CNTN1: variants seen among roughly 807,000 people sequenced by gnomAD.
CNTN1 encodes the protein contactin 1, also known as contactin-1.
In CNTN1, 38 loss-of-function variants were observed where a neutral mutation model predicts 126.4. The ratio of observed to expected loss-of-function variants is 0.30; its 90% CI spans 0.23 to 0.39. The LOEUF (loss-of-function observed/expected upper bound fraction) is 0.39, where lower values mean the gene tolerates loss of function less well. Among genes scored for constraint, CNTN1 ranks in the 10% least tolerant of loss-of-function variants. The pLI is 1.00. For missense variants in CNTN1, 1,009 were observed against 1,248.4 expected, an observed-to-expected ratio of 0.81 and a Z score of 2.89; for synonymous variants, 413 against 422.6, an observed-to-expected ratio of 0.98 and a Z score of 0.28.
intron 1 of CNTN1, among the ~76,000 whole-genome samples, chr12:40,884,570 A>C (rs1943969055): frequency 6.6e-6 from 1 of 151,492 alleles, no homozygotes; most frequent in Non-Finnish European, 1.5e-5. Flanking sequence ...TTCTTGTAGC[A>C]GTATAGGAAA....
At position 40,937,504 on chromosome 12, in the gene CNTN1, C is replaced by G. The variant is rs1946120747; in HGVS notation, c.1111-66C>G. On this transcript the variant is annotated intron_variant, in intron 10 of 23. Coordinates refer to ENST00000551295, the MANE Select transcript of CNTN1 (RefSeq NM_001843.4). ...ATCTAAATGAAAAGACAACCAAACC[C>G]AGACCTAAGTGAAAGTATTTCTATT... 4 of 1,072,870 alleles carry G rather than the reference C, an allele frequency of 3.7e-6. No homozygotes were observed. The East Asian group carries it at 9.5e-5, about 25-fold the overall frequency. The allele number at this position is 1,072,870 out of a possible 1,614,324, so 66.5% of individuals were successfully genotyped here.
At chr12:40,746,899 T>A (rs557514253) in intron 1 of CNTN1, among the ~76,000 whole-genome samples, 130 of 152,138 alleles carry the variant, frequency 8.5e-4, no homozygotes, top group Admixed American at 2.8e-3. Flanking sequence ...CAGGTGTTTT[T>A]ATCTATTAGG....
At position 40,775,998 on chromosome 12, in the gene CNTN1, T is replaced by C. The variant is rs12229594; in HGVS notation, c.-77+83406T>C. On this transcript the variant is annotated intron_variant, in intron 1 of 23. Coordinates refer to ENST00000551295, the MANE Select transcript of CNTN1 (RefSeq NM_001843.4). ...AACAAAAGTTTTTTGAATTATACAG[T>C]GTAGCTTATTAATTATCCATTGTAA... Among the ~76,000 whole-genome samples the C allele has an allele frequency of 1.0e-3, 158 of 151,808 alleles. 4 individuals carry two copies. In the East Asian group the frequency reaches 0.029, roughly 28 times the overall value.
At chr12:40,736,902 A>G (rs1937711508) in intron 1 of CNTN1, among the ~76,000 whole-genome samples, 1 of 152,078 alleles carries the variant, frequency 6.6e-6, no homozygotes. Flanking sequence ...GGAAATGGGA[A>G]AATATCTCAA....
intron 1 of CNTN1, among the ~76,000 whole-genome samples, chr12:40,860,890 A>C (rs1409083698): frequency 6.6e-6 from 1 of 152,136 alleles, no homozygotes; most frequent in Non-Finnish European, 1.5e-5. Flanking sequence ...TCTGGCAACC[A>C]GCTCCCTCAT....
In CNTN1 at chr12:40,769,445, C is replaced by A. The variant is rs575608470; in HGVS notation, c.-77+76853C>A. 2.6e-5 allele frequency among the ~76,000 whole-genome samples: 4 copies of A among 152,068 alleles called. No individual in the cohort carries two copies. In the South Asian group the frequency reaches 6.2e-4, roughly 24 times the overall value. ...GCATCTTGTGTTTGCCCATGGCCAA[C>A]AATTAAAATTCAATTTATACAGGAG... On this transcript the variant is annotated intron_variant, in intron 1 of 23. Coordinates refer to ENST00000551295, the MANE Select transcript of CNTN1 (RefSeq NM_001843.4).
At chr12:40,953,326 T>G (rs887112599) in intron 14 of CNTN1, among the ~76,000 whole-genome samples, 3 of 152,152 alleles carry the variant, frequency 2.0e-5, no homozygotes, top group Non-Finnish European at 2.9e-5. Context: ...AAAAATACAG[T>G]GAGCATTTGT....
At chr12:40,844,177 T>A (rs971321333) in intron 1 of CNTN1, among the ~76,000 whole-genome samples, 18 of 150,158 alleles carry the variant, frequency 1.2e-4, no homozygotes, top group Non-Finnish European at 2.4e-4. Context: ...AAGCGATTCT[T>A]CTGCCTCAGG....
chr12:40,963,493 A>T (rs1947183435), intron 15 of CNTN1, among the ~76,000 whole-genome samples: 1 of 152,048 alleles, frequency 6.6e-6, no homozygotes, highest in Admixed American at 6.6e-5. Flanking sequence ...TTAAATCACT[A>T]TAGATTACTT....
intron 15 of CNTN1, among the ~76,000 whole-genome samples, chr12:40,978,119 G>A (rs1243335360): frequency 6.6e-6 from 1 of 151,934 alleles, no homozygotes; most frequent in Non-Finnish European, 1.5e-5. Flanking sequence ...AATCCTATAT[G>A]TTCGGTTTTT....
intron 7 of CNTN1, among the ~76,000 whole-genome samples, chr12:40,932,668 C>A (rs1945930817): frequency 6.6e-6 from 1 of 151,868 alleles, no homozygotes; most frequent in African/African-American, 2.4e-5. Context: ...CTAAACTGGT[C>A]CAATTTAAAT....
chr12:40,904,076 T>C (rs551477385), intron 1 of CNTN1, among the ~76,000 whole-genome samples: 1 of 152,336 alleles, frequency 6.6e-6, no homozygotes, highest in Admixed American at 6.5e-5. Flanking sequence ...TGGAGTGCAG[T>C]GGCGCGATCT....
chr12:41,039,265 G>C (rs1245891628), intron 23 of CNTN1, among the ~76,000 whole-genome samples: 1 of 152,150 alleles, frequency 6.6e-6, no homozygotes, highest in Non-Finnish European at 1.5e-5. Context: ...TGGAAACAGG[G>C]GGATCAGTTA....
rs11829140 is a variant in CNTN1 at position 41,024,557 on chromosome 12, T to G, written c.2524-593T>G. 4.0e-3 allele frequency among the ~76,000 whole-genome samples: 603 copies of G among 152,266 alleles called. 7 individuals are homozygous for G. The highest frequency in any genetic ancestry group is 0.014 in the African/African-American group (581 of 41,570). ...AAAAATTATTTTATGGGTAAATAAT[T>G]TCTACAGTTTATCCAGTTATTAGAT... On this transcript the variant is annotated intron_variant, in intron 20 of 23. Transcript: ENST00000551295.
intron 1 of CNTN1, among the ~76,000 whole-genome samples, chr12:40,843,221 AC>A (rs1942359017): frequency 6.6e-6 from 1 of 152,172 alleles, no homozygotes. Context: ...GATAGTTTTT[AC>A]AAATATTATG....
chr12:40,977,956 G>A (rs749706789), intron 15 of CNTN1, among the ~76,000 whole-genome samples: 1 of 151,852 alleles, frequency 6.6e-6, no homozygotes, highest in Non-Finnish European at 1.5e-5. Context: ...GGTGTGTACT[G>A]CCATGCCAGC....
Position 40,922,367 on chromosome 12 carries a change from CT to C in CNTN1, c.340del (p.Cys114ValfsTer2). On this transcript the variant is annotated frameshift_variant, in exon 5 of 24. Transcript: ENST00000551295. LOFTEE classifies it high-confidence loss of function. ...AACAGAAAGATGCTGGAATATACTA[CT>C]GTTTAGCATCTAATAACTACGGGAT... ...DKQKDAGIYY[C>X]LASNNYGMVR... is the part of the protein sequence containing the mutation. 6.2e-7 allele frequency: 1 copy of C among 1,614,018 alleles called. No homozygotes were observed. Among genetic ancestry groups the C allele is most frequent in the Non-Finnish European group, 8.5e-7 (1 of 1,179,898 alleles).
At chr12:40,853,814 CT>C (rs1942805143) in intron 1 of CNTN1, among the ~76,000 whole-genome samples, 2 of 151,586 alleles carry the variant, frequency 1.3e-5, no homozygotes, top group African/African-American at 2.4e-5. Flanking sequence ...TCTGCCCTTA[CT>C]TTTTGTTTAA....
At chr12:41,005,778 A>G (rs886087436) in intron 17 of CNTN1, among the ~76,000 whole-genome samples, 3 of 152,122 alleles carry the variant, frequency 2.0e-5, no homozygotes, top group Non-Finnish European at 2.9e-5. Flanking sequence ...CAGGTTGGTT[A>G]CATTCTTTTC....
Sources: gnomAD v4.1 joint callset for allele counts (sites outside exome capture counted in the v4.1 genomes callset) on GRCh38, gnomAD v4.1.1 for gene constraint, MANE v1.5 for transcripts, NCBI Gene and HGNC (gene_info 2026-07-23, HGNC 2026-07-21) for gene names.